The following PEAK1 variants were observed in gnomAD, a reference collection of about 807,000 sequenced individuals.
The protein encoded by PEAK1 is pseudopodium enriched atypical kinase 1.
Under a neutral mutation model 124.7 loss-of-function variants are expected in PEAK1, and 54 were observed. The observed-to-expected ratio is 0.43, with a 90% CI of 0.35 to 0.54. The LOEUF is 0.54. Among genes scored for constraint, PEAK1 ranks in the 20% least tolerant of loss-of-function variants. PEAK1 has a pLI of 0.01. For missense variants in PEAK1, 2,046 were observed against 2,134.5 expected (o/e 0.96, Z 0.82); for synonymous variants, 719 against 760.0 (o/e 0.95, Z 0.89).
chr15:77,194,254 T>A (rs1013679941), intron 6 of PEAK1, among the ~76,000 whole-genome samples: 3 of 152,174 alleles, frequency 2.0e-5, no homozygotes, highest in Admixed American at 1.3e-4. Context: ...GAGTCCTGGA[T>A]TTTCATTGCT....
intron 2 of PEAK1, among the ~76,000 whole-genome samples, chr15:77,289,779 G>A (rs1019164433): frequency 6.6e-6 from 1 of 152,092 alleles, no homozygotes; most frequent in African/African-American, 2.4e-5. Flanking sequence ...GAAGGTTACA[G>A]TGAGCCGATA....
At chr15:77,265,679 A>C (rs2061685341) in intron 5 of PEAK1, among the ~76,000 whole-genome samples, 1 of 152,168 alleles carries the variant, frequency 6.6e-6, no homozygotes, top group South Asian at 2.1e-4. Context: ...TAGTTCAACC[A>C]TTGTGGAAGT....
intron 1 of PEAK1, chr15:77,418,849 C>T (rs1423471551): frequency 1.4e-5 from 14 of 985,216 alleles, no homozygotes; most frequent in Non-Finnish European, 1.7e-5. Flanking sequence ...GACGCTGTGG[C>T]TGAACAAAAA....
intron 7 of PEAK1, among the ~76,000 whole-genome samples, chr15:77,176,255 T>G (rs1232114666): frequency 3.2e-5 from 1 of 31,092 alleles, no homozygotes; most frequent in East Asian, 5.4e-4. Flanking sequence ...AGTATAATAA[T>G]AAGAAGAAAA....
intron 5 of PEAK1, among the ~76,000 whole-genome samples, chr15:77,274,752 T>A (rs1426823932): frequency 6.6e-6 from 1 of 152,140 alleles, no homozygotes; most frequent in African/African-American, 2.4e-5. Context: ...GAAAACAGTA[T>A]GGAGATTCCT....
At chr15:77,198,563 C>T (rs925994330) in intron 6 of PEAK1, among the ~76,000 whole-genome samples, 1 of 152,148 alleles carries the variant, frequency 6.6e-6, no homozygotes, top group Non-Finnish European at 1.5e-5. Context: ...GTTCATGAGC[C>T]ATCAATGCAG....
At chr15:77,325,400 C>A (rs1362378125) in intron 2 of PEAK1, among the ~76,000 whole-genome samples, 1 of 145,372 alleles carries the variant, frequency 6.9e-6, no homozygotes, top group Non-Finnish European at 1.5e-5. Flanking sequence ...AGAGCAAGAT[C>A]CCATCTCAAT....
At chr15:77,302,961 G>A (rs138781588) in intron 2 of PEAK1, among the ~76,000 whole-genome samples, 2 of 152,024 alleles carry the variant, frequency 1.3e-5, no homozygotes. Context: ...GGCAACCACT[G>A]ATCTTTTTAC....
At chr15:77,402,321 G>A in intron 1 of PEAK1, 1 of 985,272 alleles carries the variant, frequency 1.0e-6, no homozygotes. Flanking sequence ...GGGAGAAAAG[G>A]AGATCAAGGG....
downstream of PEAK1, chr15:77,106,548 T>C (rs1388706057): frequency 6.6e-6 from 1 of 152,224 alleles, no homozygotes; most frequent in Non-Finnish European, 1.5e-5. Context: ...GTGTTTTTAG[T>C]AGAGACAGGG....
At chr15:77,271,140 C>T (rs184759545) in intron 5 of PEAK1, among the ~76,000 whole-genome samples, 16 of 152,236 alleles carry the variant, frequency 1.1e-4, no homozygotes, top group Non-Finnish European at 1.8e-4. Flanking sequence ...AGACACTTCT[C>T]AAAAGAAGAT....
At chr15:77,340,510 G>C (rs970213375) in intron 2 of PEAK1, among the ~76,000 whole-genome samples, 4 of 152,292 alleles carry the variant, frequency 2.6e-5, no homozygotes, top group African/African-American at 9.6e-5. Flanking sequence ...TTCCAGCAGT[G>C]AAAATATTCT....
At chr15:77,233,810 C>T (rs1428429086) in intron 6 of PEAK1, among the ~76,000 whole-genome samples, 1 of 152,102 alleles carries the variant, frequency 6.6e-6, no homozygotes, top group East Asian at 1.9e-4. Context: ...TTGAATAAAA[C>T]ATATTTTTCT....
chr15:77,375,001 A>G (rs1366448008), intron 1 of PEAK1, among the ~76,000 whole-genome samples: 1 of 152,218 alleles, frequency 6.6e-6, no homozygotes, highest in East Asian at 1.9e-4. Flanking sequence ...AAAATTAAAG[A>G]CCATGATGTA....
Position 77,319,012 on chromosome 15 carries a change from C to T in PEAK1, c.-602-32508G>A, listed in dbSNP as rs1450651111. 4.6e-5 allele frequency among the ~76,000 whole-genome samples: 7 copies of T among 152,116 alleles called. No homozygotes were observed. The East Asian group carries it at 9.6e-4, about 21-fold the overall frequency. On this transcript the variant is annotated intron_variant, in intron 2 of 9. Transcript: ENST00000682557. ...ATTCAAAAGTAAAGCTTTGCCACAC[C>T]TTGCACTAGAACCAAGAAGACAACC...
chr15:77,114,782 C>T lies in PEAK1; in HGVS notation c.4615G>A (p.Ala1539Thr). Residue 1539 changes from alanine to threonine, a missense_variant, in exon 10 of 10, where the codon GCA becomes ACA. Coordinates refer to ENST00000682557, the MANE Select transcript of PEAK1 (RefSeq NM_001385026.1). The stretch of plus-strand genomic sequence containing the variant: ...TAAGATGAGGTGGGGCTGGGCTCTG[C>T]AGGCCCAAAGCCTTGGGCAGTCCCC... The part of the protein sequence containing the change: ...PGGTAQGFGP[A>T]EPSPTSSYPT... The T allele has an allele frequency of 6.2e-7, 1 of 1,613,024 alleles. No individual in the cohort carries two copies.
At position 77,262,176 on chromosome 15, in the gene PEAK1, C is replaced by T. The variant is rs199841939; in HGVS notation, c.-274-9650G>A. ...AAACATGTCAAACTGTAAAGACCATCGATGCTAGGAAGAAATTGCATCAAC... is the reference window on the plus strand; with the variant it reads ...AAACATGTCAAACTGTAAAGACCATTGATGCTAGGAAGAAATTGCATCAAC... On this transcript the variant is annotated intron_variant, in intron 5 of 9. Transcript: ENST00000682557. 7.2e-5 allele frequency among the ~76,000 whole-genome samples: 11 copies of T among 152,212 alleles called. No homozygotes were observed. The East Asian group carries it at 1.2e-3, about 16-fold the overall frequency.
At chr15:77,149,931 G>A (rs759263791) in intron 8 of PEAK1, among the ~76,000 whole-genome samples, 13 of 152,096 alleles carry the variant, frequency 8.5e-5, no homozygotes, top group South Asian at 8.3e-4. Flanking sequence ...GTTATTTTTT[G>A]TAGAGATGGG....
At chr15:77,374,863 A>C (rs1373297299) in intron 1 of PEAK1, among the ~76,000 whole-genome samples, 1 of 152,182 alleles carries the variant, frequency 6.6e-6, no homozygotes, top group Non-Finnish European at 1.5e-5. Flanking sequence ...ATACTGTATT[A>C]ATGAAAAATT....
Sources: gnomAD v4.1 joint callset for allele counts (sites outside exome capture counted in the v4.1 genomes callset) on GRCh38, gnomAD v4.1.1 for gene constraint, MANE v1.5 for transcripts, NCBI Gene and HGNC (gene_info 2026-07-23, HGNC 2026-07-21) for gene names.